CACNA2D3: variants seen among roughly 807,000 people sequenced by gnomAD.
CACNA2D3 encodes the protein calcium voltage-gated channel auxiliary subunit alpha2delta 3, also known as voltage-dependent calcium channel subunit alpha-2/delta-3.
In CACNA2D3, 60 loss-of-function variants were observed where a neutral mutation model predicts 160.6. The observed-to-expected ratio is 0.37, with a 90% CI of 0.30 to 0.46. The LOEUF (loss-of-function observed/expected upper bound fraction) is 0.46. Among genes scored for constraint, CACNA2D3 ranks in the 20% least tolerant of loss-of-function variants. The pLI is 1.00. For missense variants in CACNA2D3, 1,205 were observed against 1,365.0 expected (o/e 0.88, Z 1.85); for synonymous variants, 558 against 492.9 (o/e 1.13, Z -1.75).
chr3:54,465,504 G>A (rs547777038), intron 4 of CACNA2D3, among the ~76,000 whole-genome samples: 17 of 152,100 alleles, frequency 1.1e-4, no homozygotes, highest in Non-Finnish European at 2.1e-4. Flanking sequence ...GTACCATTGC[G>A]GTTTCAGGCA....
chr3:54,420,977 G>T (rs1482188018), intron 4 of CACNA2D3, among the ~76,000 whole-genome samples: 3 of 152,222 alleles, frequency 2.0e-5, no homozygotes, highest in African/African-American at 7.2e-5. Context: ...ATTGAGTCAG[G>T]TAGGCGGCTT....
chr3:54,615,954 C>T (rs1698840686), intron 9 of CACNA2D3, among the ~76,000 whole-genome samples: 1 of 152,180 alleles, frequency 6.6e-6, no homozygotes, highest in Non-Finnish European at 1.5e-5. Flanking sequence ...AGGTTGTGTG[C>T]CCCTTATGAG....
At chr3:54,799,888 C>A (rs1001110478) in intron 13 of CACNA2D3, among the ~76,000 whole-genome samples, 3 of 152,142 alleles carry the variant, frequency 2.0e-5, no homozygotes, top group Middle Eastern at 3.2e-3. Flanking sequence ...TACTGTGTCC[C>A]CATTGGTACT....
chr3:54,645,116 T>C (rs1282836706), intron 11 of CACNA2D3, among the ~76,000 whole-genome samples: 1 of 152,334 alleles, frequency 6.6e-6, no homozygotes, highest in Middle Eastern at 3.4e-3. Context: ...CAATTGTGCA[T>C]GGCTGGGAGG....
intron 8 of CACNA2D3, among the ~76,000 whole-genome samples, chr3:54,577,944 C>T (rs1049602764): frequency 1.3e-5 from 2 of 152,272 alleles, no homozygotes; most frequent in Non-Finnish European, 1.5e-5. Context: ...TCCGAGTCCC[C>T]GTATGCTATG....
intron 9 of CACNA2D3, among the ~76,000 whole-genome samples, chr3:54,614,510 A>C (rs34592432): frequency 0.16 from 24,566 of 152,202 alleles, 2,121 homozygotes; most frequent in South Asian, 0.28. Flanking sequence ...CATTTTGTGC[A>C]AGCTTCTCAG....
intron 31 of CACNA2D3, among the ~76,000 whole-genome samples, chr3:54,993,978 G>T (rs562941821): frequency 6.8e-6 from 1 of 147,848 alleles, no homozygotes; most frequent in Non-Finnish European, 1.5e-5. Flanking sequence ...TGCTGTGCTT[G>T]GTGCAACACG....
chr3:54,344,860 A>G, intron 3 of CACNA2D3, among the ~76,000 whole-genome samples: 1 of 152,210 alleles, frequency 6.6e-6, no homozygotes, highest in East Asian at 1.9e-4. Flanking sequence ...AGGTCAGCAC[A>G]AAATACAGGT....
intron 34 of CACNA2D3, among the ~76,000 whole-genome samples, chr3:55,014,261 G>A (rs1033414021): frequency 7.9e-5 from 12 of 152,036 alleles, no homozygotes; most frequent in African/African-American, 2.7e-4. Flanking sequence ...TACTGTGTGA[G>A]TTAATGATGA....
chr3:54,285,747 C>A (rs1178035730), intron 2 of CACNA2D3, among the ~76,000 whole-genome samples: 1 of 152,188 alleles, frequency 6.6e-6, no homozygotes, highest in Non-Finnish European at 1.5e-5. Context: ...AGAGGAAGAT[C>A]AGGCAGCAGC....
intron 2 of CACNA2D3, among the ~76,000 whole-genome samples, chr3:54,205,245 G>A (rs1033827075): frequency 4.6e-5 from 7 of 152,128 alleles, no homozygotes; most frequent in Non-Finnish European, 8.8e-5. Flanking sequence ...CTAGTGTAAT[G>A]GGGGATGGGA....
intron 27 of CACNA2D3, among the ~76,000 whole-genome samples, chr3:54,958,024 T>G (rs189103517): frequency 1.3e-5 from 2 of 152,322 alleles, no homozygotes; most frequent in East Asian, 3.9e-4. Context: ...CCATCCACAT[T>G]GCATTCAACC....
At chr3:54,911,970 C>G (rs1167612225) in intron 27 of CACNA2D3, among the ~76,000 whole-genome samples, 1 of 152,144 alleles carries the variant, frequency 6.6e-6, no homozygotes, top group Non-Finnish European at 1.5e-5. Context: ...TTAGCTGAGT[C>G]CTCTGGCTCA....
chr3:54,141,800 C>G (rs1373692485), intron 2 of CACNA2D3, among the ~76,000 whole-genome samples: 4 of 152,176 alleles, frequency 2.6e-5, no homozygotes, highest in Admixed American at 6.5e-5. Context: ...AGAAAACAAC[C>G]TGAATTTGAT....
chr3:55,007,886 T>A, intron 33 of CACNA2D3, 44 bp downstream of exon 33: 3 of 1,358,760 alleles, frequency 2.2e-6, no homozygotes, highest in Non-Finnish European at 3.0e-6. Flanking sequence ...ATTAATATTT[T>A]CCTTTTTGTA....
At chr3:54,702,794 T>A (rs1575430660) in intron 11 of CACNA2D3, among the ~76,000 whole-genome samples, 1 of 152,048 alleles carries the variant, frequency 6.6e-6, no homozygotes, top group Admixed American at 6.6e-5. Flanking sequence ...TCATGAGTGC[T>A]CCTTTTCACA....
intron 12 of CACNA2D3, among the ~76,000 whole-genome samples, chr3:54,763,718 C>CAT (rs35662926): frequency 4.4e-4 from 44 of 99,110 alleles, no homozygotes; most frequent in East Asian, 1.9e-3. Flanking sequence ...TATATATGTA[C>CAT]ATATATACAT....
At chr3:54,345,884 C>T (rs569399537) in intron 3 of CACNA2D3, among the ~76,000 whole-genome samples, 4 of 151,208 alleles carry the variant, frequency 2.6e-5, no homozygotes, top group Non-Finnish European at 5.9e-5. Flanking sequence ...CAAAGTTTTG[C>T]AGGAAATCAG....
chr3:54,737,443 G>A (rs994983237), intron 11 of CACNA2D3, among the ~76,000 whole-genome samples: 1 of 152,002 alleles, frequency 6.6e-6, no homozygotes, highest in Non-Finnish European at 1.5e-5. Context: ...CAGGCAGGTG[G>A]GCAATATGTG....
Sources: allele counts gnomAD v4.1 joint callset (sites outside exome capture counted in the v4.1 genomes callset), GRCh38; gene constraint gnomAD v4.1.1; transcripts MANE v1.5; gene names NCBI Gene and HGNC (gene_info 2026-07-23, HGNC 2026-07-21).